Variants in DYNLRB2 observed in about 807,000 individuals in gnomAD.
DYNLRB2 encodes dynein light chain roadblock-type 2.
DYNLRB2 carries 14 observed loss-of-function variants against 12.6 expected under a neutral mutation model. The ratio of observed to expected loss-of-function variants is 1.11; its 90% CI spans 0.73 to 1.73. The LOEUF is 1.73. Ranked by LOEUF, DYNLRB2 falls within the 40% of genes most tolerant of loss-of-function variation. The pLI, the probability that DYNLRB2 is intolerant of heterozygous loss-of-function variation, is 0.00. For missense variants in DYNLRB2, 142 were observed against 117.7 expected, an observed-to-expected ratio of 1.21 and a Z score of -0.95; for synonymous variants, 53 against 37.0, an observed-to-expected ratio of 1.43 and a Z score of -1.57.
intron 2 of DYNLRB2, among the ~76,000 whole-genome samples, chr16:80,545,712 G>C (rs1290566769): frequency 1.8e-5 from 2 of 114,060 alleles, no homozygotes; most frequent in Non-Finnish European, 3.3e-5. Flanking sequence ...CTGTCATCCA[G>C]GCTTGAGTGC....
intron 2 of DYNLRB2, 87 bp downstream of exon 2, chr16:80,543,438 G>A (rs370829650): frequency 5.7e-6 from 7 of 1,228,276 alleles, no homozygotes; most frequent in South Asian, 2.7e-5. Context: ...AAACATCTTC[G>A]AATTTGACAT....
chr16:80,540,961 C>T (rs1269558780), upstream of DYNLRB2: 3 of 1,554,316 alleles, frequency 1.9e-6, no homozygotes, highest in East Asian at 7.0e-5. Context: ...CAGGCGCAGC[C>T]CTGACGCTTC....
intron 2 of DYNLRB2, among the ~76,000 whole-genome samples, chr16:80,545,361 T>C (rs183368031): frequency 6.6e-4 from 101 of 152,274 alleles, no homozygotes; most frequent in Admixed American, 1.4e-3. Context: ...AAGTAACTAA[T>C]TTTACTTGAT....
At chr16:80,548,375 A>G (rs1353310864) in intron 2 of DYNLRB2, among the ~76,000 whole-genome samples, 2 of 152,210 alleles carry the variant, frequency 1.3e-5, no homozygotes, top group South Asian at 2.1e-4. Flanking sequence ...TTACACTTGC[A>G]TATTCTTCTG....
At chr16:80,547,772 AC>A (rs1567518205) in intron 2 of DYNLRB2, 8 of 456,508 alleles carry the variant, frequency 1.8e-5, no homozygotes, top group South Asian at 9.3e-5. Context: ...ACGCTTTGTG[AC>A]CTTCAAGTAT....
rs1420437484 is a variant in DYNLRB2 at position 80,543,308 on chromosome 16, G to C, written c.36G>C (p.Gln12His). ...TGGAGGAAACCTTAAAGAGGATCCA[G>C]AGTCATAAAGGGGTTATTGGAACTA... is the stretch of plus-strand genomic sequence containing the variant. Reference protein sequence around the residue: ...AEVEETLKRIQSHKGVIGTMV... With the variant: ...AEVEETLKRIHSHKGVIGTMV... The change falls in exon 2 of 4, where the codon CAG (glutamine) becomes CAC (histidine). Residue 12 changes from glutamine (Q) to histidine (H), a missense_variant. Physicochemically the swap from Gln to His is conservative, Grantham distance 24. Transcript: ENST00000305904. 1 of 1,614,052 alleles carries C rather than the reference G, an allele frequency of 6.2e-7. No homozygotes were observed. The highest frequency in any genetic ancestry group is 8.5e-7 in the Non-Finnish European group (1 of 1,179,916).
chr16:80,543,451 A>G (rs986532636), intron 2 of DYNLRB2, 100 bp downstream of exon 2: 19 of 1,124,302 alleles, frequency 1.7e-5, no homozygotes, highest in Non-Finnish European at 2.3e-5. Context: ...TTTGACATCA[A>G]AAATATATTT....
chr16:80,546,379 C>G (rs1904468645), intron 2 of DYNLRB2, among the ~76,000 whole-genome samples: 1 of 152,176 alleles, frequency 6.6e-6, no homozygotes, highest in Non-Finnish European at 1.5e-5. Flanking sequence ...TCTGCTAAAT[C>G]AAGGCAAATC....
At chr16:80,542,568 A>C (rs773522625) in intron 1 of DYNLRB2, among the ~76,000 whole-genome samples, 52 of 152,228 alleles carry the variant, frequency 3.4e-4, no homozygotes, top group South Asian at 1.9e-3. Context: ...GGTTTGGAAA[A>C]GATCGTTCTT....
intron 1 of DYNLRB2, chr16:80,541,434 G>C (rs1904287310): frequency 1.0e-6 from 1 of 980,862 alleles, no homozygotes; most frequent in Non-Finnish European, 1.2e-6. Context: ...GAGATGGAGA[G>C]GAAAAAAAAT....
upstream of DYNLRB2, chr16:80,540,818 C>G (rs1419294853): frequency 1.4e-6 from 1 of 712,940 alleles, no homozygotes; most frequent in Non-Finnish European, 2.6e-6. Context: ...CCTCTTCCCT[C>G]CCGGGACCCA....
intron 2 of DYNLRB2, among the ~76,000 whole-genome samples, chr16:80,545,311 A>T (rs1904380963): frequency 6.6e-6 from 1 of 152,212 alleles, no homozygotes; most frequent in African/African-American, 2.4e-5. Context: ...AACAGAAAAA[A>T]TAAGTAAATA....
At chr16:80,550,471 A>G (rs1385606069) in intron 3 of DYNLRB2, 44 bp from the exon 4 acceptor site, 1 of 1,605,722 alleles carries the variant, frequency 6.2e-7, no homozygotes. Context: ...TTCCTTGATT[A>G]AATTTAAATT....
chr16:80,543,556 T>A lies in DYNLRB2; in HGVS notation c.79+205T>A, dbSNP rs1904309452. ...TAAGATCTGGGGGCATAAATATGAA[T>A]AAGACATGTCTAAAAATCTCTATAT... On this transcript the variant is annotated intron_variant, in intron 2 of 3. Coordinates refer to ENST00000305904, the MANE Select transcript of DYNLRB2 (RefSeq NM_130897.3). Among the ~76,000 whole-genome samples, 3 of 152,246 alleles carry A rather than the reference T, an allele frequency of 2.0e-5. No homozygotes were observed. In the South Asian group the frequency reaches 6.2e-4, roughly 31 times the overall value.
At chr16:80,550,247 G>T (rs1357553049) in intron 3 of DYNLRB2, among the ~76,000 whole-genome samples, 2 of 152,138 alleles carry the variant, frequency 1.3e-5, no homozygotes, top group East Asian at 3.8e-4. Flanking sequence ...CCTCACCCTG[G>T]CTACACATCC....
intron 1 of DYNLRB2, among the ~76,000 whole-genome samples, 180 bp from the exon 2 acceptor site, chr16:80,543,096 C>T (rs544900174): frequency 1.6e-4 from 24 of 152,258 alleles, no homozygotes; most frequent in Non-Finnish European, 2.2e-4. Flanking sequence ...GGAGGTCTTA[C>T]GTAGGTATTT....
At chr16:80,545,883 A>G (rs1904431792) in intron 2 of DYNLRB2, among the ~76,000 whole-genome samples, 1 of 149,562 alleles carries the variant, frequency 6.7e-6, no homozygotes, top group Non-Finnish European at 1.5e-5. Context: ...GGGTTTCACC[A>G]TGGTTTCGAT....
At chr16:80,540,845 C>A (rs77394452), upstream of DYNLRB2, 7,140 of 752,304 alleles carry the variant, frequency 9.5e-3, 49 homozygotes, top group Middle Eastern at 0.022. Flanking sequence ...CAGGATTGGG[C>A]GAACCTCAGG....
At chr16:80,542,503 G>A (rs376883099) in intron 1 of DYNLRB2, among the ~76,000 whole-genome samples, 4 of 152,192 alleles carry the variant, frequency 2.6e-5, no homozygotes, top group Non-Finnish European at 5.9e-5. Flanking sequence ...CCCTCATCAA[G>A]AGAATTTGCA....
Sources: gnomAD v4.1 joint callset for allele counts (sites outside exome capture counted in the v4.1 genomes callset) on GRCh38, gnomAD v4.1.1 for gene constraint, MANE v1.5 for transcripts, NCBI Gene and HGNC (gene_info 2026-07-23, HGNC 2026-07-21) for gene names.